The following PTPRM variants were observed in gnomAD, a reference collection of about 807,000 sequenced individuals.
The protein encoded by PTPRM is receptor-type tyrosine-protein phosphatase mu.
A neutral mutation model predicts 186.7 loss-of-function variants in PTPRM; 47 were observed. That is an observed-to-expected ratio of 0.25 (90% CI 0.20 to 0.32). The LOEUF is 0.32. PTPRM is among the 10% of genes least tolerant of loss of function. The pLI, the probability that PTPRM is intolerant of heterozygous loss-of-function variation, is 1.00. For missense variants in PTPRM, 1,494 were observed against 1,865.0 expected (o/e 0.80, Z 3.66); for synonymous variants, 668 against 674.9 (o/e 0.99, Z 0.16).
intron 1 of PTPRM, among the ~76,000 whole-genome samples, chr18:7,658,537 G>GA (rs1481605923): frequency 1.4e-4 from 21 of 152,096 alleles, no homozygotes; most frequent in African/African-American, 5.1e-4. Flanking sequence ...GTTAGGGGTT[G>GA]CATGTCTGAT....
chr18:7,768,086 G>GT (rs2042097526), intron 1 of PTPRM, among the ~76,000 whole-genome samples: 1 of 152,168 alleles, frequency 6.6e-6, no homozygotes. Context: ...CTAAGACACA[G>GT]TTATAATCAG....
chr18:7,921,731 GT>G (rs113453203), intron 4 of PTPRM, among the ~76,000 whole-genome samples: 40,465 of 151,032 alleles, frequency 0.27, 5,746 homozygotes, highest in East Asian at 0.44. Flanking sequence ...CAAGATTTCT[GT>G]TTTTTTTTGT....
intron 14 of PTPRM, among the ~76,000 whole-genome samples, chr18:8,170,247 G>A (rs145471599): frequency 1.3e-4 from 20 of 152,222 alleles, no homozygotes; most frequent in African/African-American, 4.8e-4. Context: ...AGCTAGGTGG[G>A]CTCTTTTAAG....
chr18:7,706,619 A>AAAAAC (rs1568042163), intron 1 of PTPRM, among the ~76,000 whole-genome samples: 1 of 147,714 alleles, frequency 6.8e-6, no homozygotes, highest in African/African-American at 2.6e-5. Context: ...AAAAAAAAAA[A>AAAAAC]AAAAAAAAAA....
intron 23 of PTPRM, among the ~76,000 whole-genome samples, chr18:8,370,139 A>G (rs2095655152): frequency 6.6e-6 from 1 of 150,754 alleles, no homozygotes; most frequent in Admixed American, 6.7e-5. Flanking sequence ...GTTCCTGCCC[A>G]GCCTCTGGTC....
chr18:8,225,292 AC>A (rs780492110), intron 14 of PTPRM, among the ~76,000 whole-genome samples: 1 of 152,146 alleles, frequency 6.6e-6, no homozygotes, highest in Non-Finnish European at 1.5e-5. Flanking sequence ...AGTGATTTTA[AC>A]ATATGTGATA....
At chr18:8,127,721 A>G (rs536772236) in intron 13 of PTPRM, among the ~76,000 whole-genome samples, 24 of 152,246 alleles carry the variant, frequency 1.6e-4, no homozygotes, top group African/African-American at 5.5e-4. Context: ...TGTGAGCACT[A>G]TCCTCTACTA....
intron 2 of PTPRM, among the ~76,000 whole-genome samples, chr18:7,851,220 G>A (rs2046842943): frequency 6.6e-6 from 1 of 152,148 alleles, no homozygotes; most frequent in East Asian, 1.9e-4. Context: ...CAAGCTGTAT[G>A]ACATGGCAGG....
chr18:7,998,667 G>GT (rs970855614), intron 7 of PTPRM, among the ~76,000 whole-genome samples: 3 of 151,646 alleles, frequency 2.0e-5, no homozygotes, highest in Non-Finnish European at 2.9e-5. Context: ...TTTTTTTTAT[G>GT]TTTTTTTGAG....
In PTPRM at chr18:8,143,985, C is replaced by T. The variant is rs377287515; in HGVS notation, c.2300+206C>T. Among the ~76,000 whole-genome samples the T allele has an allele frequency of 2.6e-4, 39 of 152,260 alleles. No individual in the cohort carries two copies. The South Asian group carries it at 4.6e-3, about 18-fold the overall frequency. On this transcript the variant is annotated intron_variant, in intron 14 of 32. Coordinates refer to ENST00000580170, the MANE Select transcript of PTPRM (RefSeq NM_001105244.2). ...AAATGGCTATGATTCTGTGTGAATA[C>T]GCAAAGCATATCATATCAGAATAAC...
intron 30 of PTPRM, among the ~76,000 whole-genome samples, chr18:8,385,827 G>A (rs1234497605): frequency 6.6e-6 from 1 of 152,222 alleles, no homozygotes; most frequent in Non-Finnish European, 1.5e-5. Context: ...TAGACTGGAG[G>A]AGAGAGGCAT....
intron 4 of PTPRM, among the ~76,000 whole-genome samples, chr18:7,921,475 G>A (rs1375436929): frequency 6.6e-6 from 1 of 151,452 alleles, no homozygotes; most frequent in Non-Finnish European, 1.5e-5. Flanking sequence ...TTGCCTCCCG[G>A]GTACATGCCA....
intron 14 of PTPRM, among the ~76,000 whole-genome samples, chr18:8,193,356 A>G (rs1269971397): frequency 6.6e-6 from 1 of 152,156 alleles, no homozygotes; most frequent in Non-Finnish European, 1.5e-5. Flanking sequence ...ATACAGCTTC[A>G]TTTTCTCTTC....
At chr18:8,215,626 C>T (rs1417096558) in intron 14 of PTPRM, among the ~76,000 whole-genome samples, 1 of 150,304 alleles carries the variant, frequency 6.7e-6, no homozygotes, top group Non-Finnish European at 1.5e-5. Context: ...CACTGCAGCC[C>T]ATACCCGCCG....
rs981054243 is a variant in PTPRM at position 8,220,178 on chromosome 18, G to C, written c.2301-23880G>C. Among the ~76,000 whole-genome samples the C allele has an allele frequency of 2.0e-5, 3 of 152,148 alleles. No homozygotes were observed. In the East Asian group the frequency reaches 5.8e-4, roughly 29 times the overall value. On this transcript the variant is annotated intron_variant, in intron 14 of 32. Transcript: ENST00000580170. Reference sequence around the variant, plus strand: ...CTGAAGAAACATGGTGAGAATTAAAGGGGAAGGAGATAAAAGATTAGAGAT... The same window carrying C: ...CTGAAGAAACATGGTGAGAATTAAACGGGAAGGAGATAAAAGATTAGAGAT...
chr18:8,342,034 G>A (rs537876608), intron 22 of PTPRM, among the ~76,000 whole-genome samples: 1 of 152,306 alleles, frequency 6.6e-6, no homozygotes, highest in Admixed American at 6.5e-5. Context: ...TTTATGGGGA[G>A]GGTAACAGTG....
At chr18:7,830,603 G>C (rs923341180) in intron 2 of PTPRM, among the ~76,000 whole-genome samples, 2 of 152,176 alleles carry the variant, frequency 1.3e-5, no homozygotes, top group Non-Finnish European at 2.9e-5. Context: ...CCTATGTAGA[G>C]ATTGAGTTCA....
chr18:7,567,878 C>A lies in PTPRM; in HGVS notation c.60C>A (p.Gly20=), dbSNP rs767447548. 7 of 1,560,584 alleles carry A rather than the reference C, an allele frequency of 4.5e-6. No individual in the cohort carries two copies. Among genetic ancestry groups the A allele is most frequent in the Middle Eastern group, 1.7e-4 (1 of 5,908 alleles). Residue 20 remains glycine (G), a synonymous_variant, in exon 1 of 33, where the codon GGC becomes GGA. Transcript: ENST00000580170. This position sits in a 1 kb window ranked among gnomAD's most constrained non-coding sequence, Gnocchi z 4.3. The part of the protein sequence containing the change: ...TLAGLLLTAA[G]ETFSGGCLFD... ...CCGGACTTTTGCTAACTGCGGCGGG[C>A]GAGACGTTCTCAGGTAAGCGGGACC...
At chr18:7,587,591 C>T (rs1485824702) in intron 1 of PTPRM, among the ~76,000 whole-genome samples, 2 of 152,076 alleles carry the variant, frequency 1.3e-5, no homozygotes, top group African/African-American at 2.4e-5. Flanking sequence ...GCAAAGATTT[C>T]CTCAATGACT....
Sources: allele counts gnomAD v4.1 joint callset (sites outside exome capture counted in the v4.1 genomes callset), GRCh38; gene constraint gnomAD v4.1.1; non-coding constraint Gnocchi (gnomAD v3.1); transcripts MANE v1.5; gene names NCBI Gene and HGNC (gene_info 2026-07-23, HGNC 2026-07-21).